Variants in COL5A1 observed in about 807,000 individuals in gnomAD.
COL5A1 encodes the protein collagen type V alpha 1 chain, also known as collagen alpha-1(V) chain.
COL5A1 carries 16 observed loss-of-function variants against 263.7 expected under a neutral mutation model. The observed-to-expected ratio is 0.06, with a 90% CI of 0.04 to 0.09. The LOEUF (loss-of-function observed/expected upper bound fraction) is 0.09, where lower values mean the gene tolerates loss of function less well. Among genes scored for constraint, COL5A1 ranks in the 10% least tolerant of loss-of-function variants. COL5A1 has a pLI of 1.00. For missense variants in COL5A1, 2,036 were observed against 2,540.5 expected (o/e 0.80, Z 4.27); for synonymous variants, 1,012 against 1,004.5 (o/e 1.01, Z -0.14).
intron 31 of COL5A1, among the ~76,000 whole-genome samples, chr9:134,788,618 G>GAGATAGATGGATAGAC (rs1478592829): frequency 1.8e-4 from 27 of 149,092 alleles, no homozygotes; most frequent in Non-Finnish European, 2.5e-4. Context: ...GATGGATAGA[G>GAGATAGATGGATAGAC]AGATAGATGG....
rs749338121 is a variant in COL5A1 at position 134,796,433 on chromosome 9, C to G, written c.2844+15C>G. On this transcript the variant is annotated intron_variant, in intron 35 of 65. Coordinates refer to ENST00000371817, the MANE Select transcript of COL5A1 (RefSeq NM_000093.5). The stretch of plus-strand genomic sequence containing the variant: ...CTGGTGAACGGGTAAGCAGCTGGAG[C>G]CTTCGGGGGTGTCTCCAAGGGCAGA... The G allele has an allele frequency of 6.2e-7, 1 of 1,613,836 alleles. No individual in the cohort carries two copies. Among genetic ancestry groups the G allele is most frequent in the South Asian group, 1.1e-5 (1 of 91,086 alleles).
intron 42 of COL5A1, among the ~76,000 whole-genome samples, chr9:134,808,238 TC>T (rs1398963242): frequency 1.3e-5 from 2 of 152,144 alleles, no homozygotes; most frequent in African/African-American, 4.8e-5. Flanking sequence ...ATGTTTCCCT[TC>T]CCAATGTGCA....
intron 18 of COL5A1, among the ~76,000 whole-genome samples, chr9:134,760,187 C>A (rs111207695): frequency 0.062 from 7,062 of 113,174 alleles, 45 homozygotes; most frequent in African/African-American, 0.16. Flanking sequence ...ACACATACAC[C>A]CCCACACCCC....
At chr9:134,838,129 C>T (rs577044734) in intron 65 of COL5A1, among the ~76,000 whole-genome samples, 4 of 152,292 alleles carry the variant, frequency 2.6e-5, no homozygotes, top group East Asian at 1.9e-4. Flanking sequence ...CAGAGGGAAC[C>T]GGGTTCAAGA....
rs936763089 is a variant in COL5A1 at position 134,758,571 on chromosome 9, G to C, written c.1935+275G>C. On this transcript the variant is annotated intron_variant, in intron 18 of 65. Transcript: ENST00000371817. This position sits in a 1 kb window ranked among gnomAD's most constrained non-coding sequence, Gnocchi z 4.1. The stretch of plus-strand genomic sequence containing the variant: ...GCCTACCCACCTGAGGCGCGTGAAG[G>C]GGGCAGGGAAGGAGCCCTTCCTTTT... Among the ~76,000 whole-genome samples the C allele has an allele frequency of 6.6e-5, 10 of 151,468 alleles. No individual in the cohort carries two copies. Among genetic ancestry groups the C allele is most frequent in the African/African-American group, 2.0e-4 (8 of 40,790 alleles).
rs760966887 is a variant in COL5A1 at position 134,754,241 on chromosome 9, G to A, written c.1774-32G>A. The A allele has an allele frequency of 5.1e-5, 82 of 1,610,850 alleles. No homozygotes were observed. In the South Asian group the frequency reaches 8.6e-4, roughly 17 times the overall value. ...TCTTTCTCCTGAGAAAGGCGGACTC[G>A]CCACTGACCCTTTGTCTCTTACCCC... On this transcript the variant is annotated intron_variant, in intron 15 of 65. Transcript: ENST00000371817. This position sits in a 1 kb window ranked among gnomAD's most constrained non-coding sequence, Gnocchi z 4.3.
chr9:134,748,394 T>A (rs1267775288), intron 11 of COL5A1, among the ~76,000 whole-genome samples: 1 of 152,006 alleles, frequency 6.6e-6, no homozygotes, highest in Non-Finnish European at 1.5e-5. Context: ...TGCACACACA[T>A]ACACTTACAT....
chr9:134,711,756 G>A (rs1229630085), intron 4 of COL5A1, among the ~76,000 whole-genome samples: 2 of 152,054 alleles, frequency 1.3e-5, no homozygotes, highest in Admixed American at 6.5e-5. Context: ...CCTGGGTCCT[G>A]TCTCCTTATT....
intron 7 of COL5A1, 100 bp from the exon 8 acceptor site, chr9:134,731,396 C>T (rs1834874083): frequency 1.6e-6 from 2 of 1,213,592 alleles, no homozygotes; most frequent in Non-Finnish European, 2.4e-6. Context: ...GGATCTCTGC[C>T]CAGTTGACCG....
rs185558166 is a variant in COL5A1, at chr9:134,792,035, G to T, written c.2700+2827G>T. Among the ~76,000 whole-genome samples, 435 of 152,344 alleles carry T rather than the reference G, an allele frequency of 2.9e-3. 2 individuals carry two copies. Among genetic ancestry groups the T allele is most frequent in the Middle Eastern group, 0.014 (4 of 294 alleles). On this transcript the variant is annotated intron_variant, in intron 32 of 65. Coordinates refer to ENST00000371817, the MANE Select transcript of COL5A1 (RefSeq NM_000093.5). ...AGCAGTGACATTTTTGCTGAGCCCT[G>T]CAGGAGGGACAGAAGTGGATAGGTG... is the stretch of plus-strand genomic sequence containing the variant.
At chr9:134,643,632 C>T (rs979604449) in intron 1 of COL5A1, among the ~76,000 whole-genome samples, 2 of 152,014 alleles carry the variant, frequency 1.3e-5, no homozygotes, top group African/African-American at 4.8e-5. Flanking sequence ...ATCCCTGGGC[C>T]GCCACCAACT....
At chr9:134,786,832 A>G (rs1314882121) in intron 31 of COL5A1, among the ~76,000 whole-genome samples, 2 of 152,214 alleles carry the variant, frequency 1.3e-5, no homozygotes. Context: ...TGCCCGAGGC[A>G]TCTCCTTTTA....
At chr9:134,707,523 G>A (rs1285619888) in intron 4 of COL5A1, among the ~76,000 whole-genome samples, 1 of 147,556 alleles carries the variant, frequency 6.8e-6, no homozygotes. Context: ...AGCCATCCAC[G>A]GAGGCACCCT....
At position 134,843,050 on chromosome 9, in the gene COL5A1, A is replaced by G. The variant is rs571076719; in HGVS notation, c.*747A>G. ...CTCCCCACCCCCGCCCTGGCCAAGA[A>G]CGTGCAATAAATTGGAAGTTTGCCC... On this transcript the variant is annotated 3_prime_UTR_variant, in exon 66 of 66. Coordinates refer to ENST00000371817, the MANE Select transcript of COL5A1 (RefSeq NM_000093.5). 1 of 151,840 alleles carries G rather than the reference A, an allele frequency of 6.6e-6. No homozygotes were observed. The highest frequency in any genetic ancestry group is 2.0e-4 in the East Asian group (1 of 5,126). 9.4% of individuals were successfully genotyped at this position (151,840 alleles called of 1,614,324 possible).
intron 25 of COL5A1, 125 bp from the exon 26 acceptor site, chr9:134,772,665 C>T (rs915709031): frequency 2.8e-6 from 3 of 1,077,530 alleles, no homozygotes; most frequent in Non-Finnish European, 4.3e-6. Flanking sequence ...TTCTGGTGCT[C>T]TCAGTTTTCC....
chr9:134,767,875 C>T (rs566498320), intron 24 of COL5A1, among the ~76,000 whole-genome samples: 1 of 152,332 alleles, frequency 6.6e-6, no homozygotes, highest in East Asian at 1.9e-4. Context: ...AAAAACACCT[C>T]CAAGGGGCTG....
At chr9:134,759,620 GCA>G (rs982062632) in intron 18 of COL5A1, among the ~76,000 whole-genome samples, 5 of 62,256 alleles carry the variant, frequency 8.0e-5, no homozygotes, top group African/African-American at 3.7e-4. Flanking sequence ...ACACACATAT[GCA>G]CACATACACC....
rs149912828 is a variant in COL5A1 at position 134,761,959 on chromosome 9, C to A, written c.1970C>A (p.Pro657Gln). ...GGTCCTTCCGGCCCACCAGGACCTCCGGGAGACGATGGAGAAAGGGTAGGT... is the reference window on the plus strand; with the variant it reads ...GGTCCTTCCGGCCCACCAGGACCTCAGGGAGACGATGGAGAAAGGGTAGGT... ...DPGPSGPPGP[P>Q]GDDGERGDDG... Residue 657 changes from proline (P) to glutamine (Q), a missense_variant, in exon 19 of 66, where the codon CCG becomes CAG. Around this residue, in one of 3 missense-constraint regions of COL5A1, gnomAD observed 1,078 missense variants for 1,521.4 expected, o/e 0.71. Coordinates refer to ENST00000371817, the MANE Select transcript of COL5A1 (RefSeq NM_000093.5). 3.5e-5 allele frequency: 57 copies of A among 1,613,544 alleles called. No homozygotes were observed. In the South Asian group the frequency reaches 5.9e-4, roughly 17 times the overall value.
In COL5A1 at chr9:134,818,377, C is replaced by T. The variant is rs999838382; in HGVS notation, c.4231-279C>T. Among the ~76,000 whole-genome samples the T allele has an allele frequency of 2.0e-5, 3 of 152,166 alleles. No individual in the cohort carries two copies. Among genetic ancestry groups the T allele is most frequent in the Non-Finnish European group, 4.4e-5 (3 of 68,024 alleles). On this transcript the variant is annotated intron_variant, in intron 54 of 65. Coordinates refer to ENST00000371817, the MANE Select transcript of COL5A1 (RefSeq NM_000093.5). This position sits in a 1 kb window ranked among gnomAD's most constrained non-coding sequence, Gnocchi z 6.0. ...GTTGTTAAGGAGACGGGAGGTTGTGCGGTTCCATCCCTGCTCGGGCAGTGG... is the reference window on the plus strand; with the variant it reads ...GTTGTTAAGGAGACGGGAGGTTGTGTGGTTCCATCCCTGCTCGGGCAGTGG...
Sources: gnomAD v4.1 joint callset for allele counts (sites outside exome capture counted in the v4.1 genomes callset) on GRCh38, gnomAD v4.1.1 for gene constraint, gnomAD v4.1.1 regional missense constraint, Gnocchi (gnomAD v3.1) non-coding constraint, MANE v1.5 for transcripts, NCBI Gene and HGNC (gene_info 2026-07-23, HGNC 2026-07-21) for gene names.